COA1: variants seen among roughly 807,000 people sequenced by gnomAD.
The protein encoded by COA1 is cytochrome c oxidase assembly factor 1.
COA1 carries 13 observed loss-of-function variants against 16.0 expected under a neutral mutation model. The observed-to-expected ratio is 0.81, with a 90% CI of 0.53 to 1.29. The LOEUF is 1.29. Ranked by LOEUF, COA1 falls within the 50% of genes most tolerant of loss-of-function variation. COA1 has a pLI of 0.00. For missense variants in COA1, 179 were observed against 177.0 expected (o/e 1.01, Z -0.06); for synonymous variants, 65 against 65.7 (o/e 0.99, Z 0.05).
intron 1 of COA1, among the ~76,000 whole-genome samples, chr7:43,692,197 C>A (rs531021158): frequency 6.6e-6 from 1 of 152,250 alleles, no homozygotes; most frequent in South Asian, 2.1e-4. Context: ...TTATAATCAC[C>A]AAGTTAATAA....
Position 43,612,286 on chromosome 7 carries a change from A to G in COA1, c.*134-2791T>C, listed in dbSNP as rs12671860. ...TGCAGTCAGACATGTCTCTGAGTCA[A>G]CTACTGGAGGGAGAGGATAGAGATG... On this transcript the variant is annotated intron_variant and NMD_transcript_variant, in intron 6 of 6. Transcript: ENST00000415076. Among the ~76,000 whole-genome samples, 876 of 152,230 alleles carry G rather than the reference A, an allele frequency of 5.8e-3. 55 individuals are homozygous for G. In the East Asian group the frequency reaches 0.14, roughly 25 times the overall value.
intron 1 of COA1, among the ~76,000 whole-genome samples, chr7:43,669,844 A>C (rs540009408): frequency 9.2e-5 from 14 of 152,244 alleles, no homozygotes; most frequent in African/African-American, 3.4e-4. Flanking sequence ...TCTTGGGTTA[A>C]AATTTAAAAT....
intron 1 of COA1, among the ~76,000 whole-genome samples, chr7:43,715,005 C>CT (rs1479170265): frequency 1.2e-4 from 5 of 40,364 alleles, no homozygotes; most frequent in African/African-American, 2.2e-4. Flanking sequence ...AGCCTCTTGT[C>CT]TAAAAAAAAA....
intron 1 of COA1, among the ~76,000 whole-genome samples, chr7:43,699,874 G>T (rs547101576): frequency 6.6e-6 from 1 of 152,168 alleles, no homozygotes; most frequent in South Asian, 2.1e-4. Flanking sequence ...ATACACAAAT[G>T]CAAGGGCTTG....
intron 1 of COA1, among the ~76,000 whole-genome samples, chr7:43,691,336 A>AAAGAGAAAGAGAGAGAGG (rs2094312162): frequency 5.4e-5 from 2 of 37,366 alleles, no homozygotes; most frequent in Non-Finnish European, 1.0e-4. Flanking sequence ...AAAGAGAAAG[A>AAAGAGAAAGAGAGAGAGG]GAGAGAGGGA....
chr7:43,663,277 C>G (rs2092611973), intron 1 of COA1, among the ~76,000 whole-genome samples: 1 of 152,194 alleles, frequency 6.6e-6, no homozygotes, highest in Admixed American at 6.5e-5. Context: ...GGCACCACAC[C>G]TGTACAGCCT....
At chr7:43,674,963 G>T (rs890679698) in intron 1 of COA1, among the ~76,000 whole-genome samples, 11 of 152,232 alleles carry the variant, frequency 7.2e-5, no homozygotes, top group African/African-American at 2.4e-4. Flanking sequence ...GTTTTCAACA[G>T]ATATTACACT....
chr7:43,689,441 C>CA (rs1459170054), intron 1 of COA1, among the ~76,000 whole-genome samples: 9 of 151,634 alleles, frequency 5.9e-5, no homozygotes, highest in Non-Finnish European at 1.0e-4. Flanking sequence ...GTCCCTGTGT[C>CA]AAAAAAACAC....
chr7:43,691,453 G>T (rs1226698579), intron 1 of COA1, among the ~76,000 whole-genome samples: 1 of 148,238 alleles, frequency 6.7e-6, no homozygotes, highest in Non-Finnish European at 1.5e-5. Context: ...AAGAAAGAAA[G>T]AAAGAAAGAA....
chr7:43,642,551 C>T (rs1050396204), intron 4 of COA1, among the ~76,000 whole-genome samples: 1 of 152,152 alleles, frequency 6.6e-6, no homozygotes, highest in Non-Finnish European at 1.5e-5. Context: ...AGAGTATACA[C>T]TGAGCATCTC....
chr7:43,616,987 A>G (rs890908778), intron 6 of COA1, among the ~76,000 whole-genome samples: 4 of 152,224 alleles, frequency 2.6e-5, no homozygotes, highest in Non-Finnish European at 5.9e-5. Flanking sequence ...CTTCACTACC[A>G]TCTTAGGCCT....
intron 1 of COA1, among the ~76,000 whole-genome samples, chr7:43,671,502 G>A (rs181081231): frequency 6.6e-6 from 1 of 152,138 alleles, no homozygotes; most frequent in East Asian, 1.9e-4. Flanking sequence ...AGGTATCTAG[G>A]AATATATCTA....
intron 1 of COA1, among the ~76,000 whole-genome samples, chr7:43,656,922 C>T (rs539264638): frequency 3.3e-5 from 5 of 151,042 alleles, no homozygotes; most frequent in Admixed American, 1.3e-4. Context: ...AGGCCGGTTG[C>T]GGTGGCTCAC....
Position 43,686,546 on chromosome 7 carries a change from G to A in COA1, c.-38-37894C>T, listed in dbSNP as rs566903766. 4.5e-4 allele frequency among the ~76,000 whole-genome samples: 69 copies of A among 151,944 alleles called. No individual in the cohort carries two copies. In the East Asian group the frequency reaches 0.011, roughly 25 times the overall value. ...CCTGACCTCGTGATCCGCCCGCCTC[G>A]GCCTCCCAAAGTGCTGGGATTACAG... On this transcript the variant is annotated intron_variant, in intron 1 of 5. Transcript: ENST00000223336.
At chr7:43,683,185 T>C (rs2093849605) in intron 1 of COA1, among the ~76,000 whole-genome samples, 1 of 152,156 alleles carries the variant, frequency 6.6e-6, no homozygotes, top group South Asian at 2.1e-4. Context: ...AGAACAATTA[T>C]CAGAATCGTT....
At chr7:43,625,059 A>G (rs1052290200) in intron 6 of COA1, 37 of 368,360 alleles carry the variant, frequency 1.0e-4, no homozygotes, top group Middle Eastern at 7.1e-4. Flanking sequence ...TTTCAATGTT[A>G]TTTTTAAGAA....
chr7:43,674,484 A>G (rs919759744), intron 1 of COA1, among the ~76,000 whole-genome samples: 5 of 152,260 alleles, frequency 3.3e-5, no homozygotes, highest in Non-Finnish European at 5.9e-5. Flanking sequence ...CCAAAAATGA[A>G]AATGGCTTTA....
chr7:43,639,495 C>T lies in COA1; in HGVS notation c.*87G>A. Reference sequence around the variant, plus strand: ...AAAACTGGGTTGCAGGAGTGTCTGTCACTGAGATGGGCCACCACCCCAGTG... The same window carrying T: ...AAAACTGGGTTGCAGGAGTGTCTGTTACTGAGATGGGCCACCACCCCAGTG... On this transcript the variant is annotated 3_prime_UTR_variant, in exon 6 of 6. Coordinates refer to ENST00000223336, the MANE Select transcript of COA1 (RefSeq NM_018224.4). 2 of 1,052,374 alleles carry T rather than the reference C, an allele frequency of 1.9e-6. No homozygotes were observed. Among genetic ancestry groups the T allele is most frequent in the East Asian group, 2.4e-5 (1 of 41,422 alleles). The allele number at this position is 1,052,374 out of a possible 1,614,324, so 65.2% of individuals were successfully genotyped here. A position where few individuals can be genotyped will look rare whatever the true frequency, so the allele number is the denominator to read the frequency against.
At chr7:43,630,151 C>CT (rs1274167875) in intron 6 of COA1, among the ~76,000 whole-genome samples, 1 of 152,114 alleles carries the variant, frequency 6.6e-6, no homozygotes, top group Non-Finnish European at 1.5e-5. Context: ...TATTTAGTAT[C>CT]TGGCCCTTTA....
Sources: allele counts gnomAD v4.1 joint callset (sites outside exome capture counted in the v4.1 genomes callset), GRCh38; gene constraint gnomAD v4.1.1; transcripts MANE v1.5; gene names NCBI Gene and HGNC (gene_info 2026-07-23, HGNC 2026-07-21).